PGR: variants seen among roughly 807,000 people sequenced by gnomAD.
PGR encodes progesterone receptor.
In PGR, 25 loss-of-function variants were observed where a neutral mutation model predicts 76.1. The ratio of observed to expected loss-of-function variants is 0.33; its 90% confidence interval spans 0.24 to 0.46. The LOEUF (loss-of-function observed/expected upper bound fraction) is 0.46. Ranked by LOEUF, PGR falls within the 20% of genes least tolerant of loss-of-function variation. The pLI, the probability that PGR is intolerant of heterozygous loss-of-function variation, is 1.00. For missense variants in PGR, 1,172 were observed against 1,225.3 expected, an observed-to-expected ratio of 0.96 and a Z score of 0.65; for synonymous variants, 579 against 535.0, an observed-to-expected ratio of 1.08 and a Z score of -1.14.
chr11:101,082,263 G>A (rs1309818224), intron 3 of PGR, among the ~76,000 whole-genome samples: 1 of 152,178 alleles, frequency 6.6e-6, no homozygotes, highest in Non-Finnish European at 1.5e-5. Flanking sequence ...GTCAGTTAAA[G>A]TTCTTTTCTT....
intron 3 of PGR, among the ~76,000 whole-genome samples, chr11:101,085,750 A>T (rs1861478430): frequency 6.6e-6 from 1 of 152,082 alleles, no homozygotes; most frequent in Admixed American, 6.5e-5. Flanking sequence ...CACAAACAGA[A>T]ATGACAAAGG....
In PGR at chr11:101,034,062, T is replaced by C. The variant is rs1859433771; in HGVS notation, c.*5054A>G. ...AATAATCTGTGCATTTTCTTTACCG[T>C]AATGGACAGAGTATGCTTTCTTAGC... On this transcript the variant is annotated 3_prime_UTR_variant, in exon 8 of 8. Transcript: ENST00000325455. 4.3e-6 allele frequency: 1 copy of C among 231,490 alleles called. No homozygotes were observed. The highest frequency in any genetic ancestry group is 8.6e-6 in the Non-Finnish European group (1 of 116,948). 14.3% of individuals were successfully genotyped at this position (231,490 alleles called of 1,614,324 possible). A position where few individuals can be genotyped will look rare whatever the true frequency, so the allele number is the denominator to read the frequency against.
At chr11:101,055,339 C>G (rs1019694984) in intron 4 of PGR, among the ~76,000 whole-genome samples, 1 of 138,468 alleles carries the variant, frequency 7.2e-6, no homozygotes, top group Non-Finnish European at 1.5e-5. Context: ...TGGTTTGAAC[C>G]CAGGAGGCTG....
chr11:101,059,261 C>T (rs1565337111), intron 4 of PGR, among the ~76,000 whole-genome samples: 1 of 151,956 alleles, frequency 6.6e-6, no homozygotes, highest in Non-Finnish European at 1.5e-5. Context: ...CTTCTGTCCC[C>T]ACTTTCATTA....
intron 3 of PGR, among the ~76,000 whole-genome samples, chr11:101,082,941 T>C (rs1861358754): frequency 6.6e-6 from 1 of 152,150 alleles, no homozygotes; most frequent in African/African-American, 2.4e-5. Flanking sequence ...GAGTCAAATG[T>C]TAACAGTCAA....
intron 4 of PGR, among the ~76,000 whole-genome samples, chr11:101,059,987 C>T (rs1466161137): frequency 1.3e-5 from 2 of 151,594 alleles, no homozygotes; most frequent in East Asian, 1.9e-4. Context: ...AAAGCCCTAC[C>T]AGGCAATAAG....
At chr11:101,111,107 G>T (rs142816493) in intron 2 of PGR, among the ~76,000 whole-genome samples, 1 of 152,240 alleles carries the variant, frequency 6.6e-6, no homozygotes, top group East Asian at 1.9e-4. Context: ...TTGCTTTATT[G>T]TAGTTGTCTA....
At chr11:101,097,583 T>G (rs1318847986) in intron 2 of PGR, among the ~76,000 whole-genome samples, 1 of 152,186 alleles carries the variant, frequency 6.6e-6, no homozygotes, top group Admixed American at 6.5e-5. Context: ...TATTTGTAAA[T>G]ATAGTTATAC....
chr11:101,122,132 G>A (rs1269046960), intron 2 of PGR, among the ~76,000 whole-genome samples: 2 of 113,026 alleles, frequency 1.8e-5, no homozygotes, highest in South Asian at 2.8e-4. Flanking sequence ...TCCAGCATGG[G>A]CAACAGCGAG....
At chr11:101,077,599 G>A (rs1813812640) in intron 3 of PGR, among the ~76,000 whole-genome samples, 1 of 152,086 alleles carries the variant, frequency 6.6e-6, no homozygotes, top group Non-Finnish European at 1.5e-5. Flanking sequence ...AATGCTTGTA[G>A]ATACTACTGA....
intron 2 of PGR, among the ~76,000 whole-genome samples, chr11:101,116,739 C>CAAAAAAAAAAAA (rs11300466): frequency 2.9e-5 from 2 of 68,968 alleles, no homozygotes; most frequent in Non-Finnish European, 5.3e-5. Flanking sequence ...GATTCCACCT[C>CAAAAAAAAAAAA]AAAAAAAAAA....
In PGR at chr11:101,128,807, G is replaced by A. The variant is rs1862991704; in HGVS notation, c.264C>T (p.Ser88=). The A allele has an allele frequency of 6.2e-7, 1 of 1,614,052 alleles. No individual in the cohort carries two copies. Among genetic ancestry groups the A allele is most frequent in the African/African-American group, 1.3e-5 (1 of 74,946 alleles). Residue 88 remains serine (S), a synonymous_variant, in exon 1 of 8, where the codon TCC becomes TCT. Transcript: ENST00000325455. ...QSLSDVEGAY[S]RAEATRGAGG... is the part of the protein sequence containing the mutation. ...CAGCACCCCTTGTAGCTTCAGCTCT[G>A]GAATATGCGCCCTCCACGTCCGACA...
At chr11:101,102,320 C>T (rs1862020124) in intron 2 of PGR, among the ~76,000 whole-genome samples, 1 of 152,152 alleles carries the variant, frequency 6.6e-6, no homozygotes, top group Non-Finnish European at 1.5e-5. Context: ...GGAAGATGTT[C>T]TTGTCCTTAG....
chr11:101,053,606 CCCTCCTTTCTTCCCTCCCCTTCTT>C (rs879315869), intron 4 of PGR, among the ~76,000 whole-genome samples: 9,464 of 102,350 alleles, frequency 0.092, 886 homozygotes, highest in Non-Finnish European at 0.12. Flanking sequence ...CTCCCCTTCT[CCCTCCTTTCTTCCCTCCCCTTCTT>C]CCTCCTTTCT....
At chr11:101,088,936 A>T (rs1861586429) in intron 3 of PGR, among the ~76,000 whole-genome samples, 1 of 152,226 alleles carries the variant, frequency 6.6e-6, no homozygotes, top group Non-Finnish European at 1.5e-5. Context: ...ACAGGAACAA[A>T]AAACCAAATA....
At chr11:101,050,513 A>G (rs1860049397) in intron 5 of PGR, among the ~76,000 whole-genome samples, 1 of 152,120 alleles carries the variant, frequency 6.6e-6, no homozygotes, top group Admixed American at 6.6e-5. Flanking sequence ...CCATATTTTA[A>G]ACTTTTCTAG....
At chr11:101,061,303 G>T (rs1860489754) in intron 4 of PGR, among the ~76,000 whole-genome samples, 1 of 152,028 alleles carries the variant, frequency 6.6e-6, no homozygotes, top group South Asian at 2.1e-4. Context: ...AAGAATCTGG[G>T]CATTTTGATT....
intron 2 of PGR, among the ~76,000 whole-genome samples, chr11:101,109,272 T>A (rs1862271640): frequency 6.6e-6 from 1 of 152,132 alleles, no homozygotes; most frequent in Non-Finnish European, 1.5e-5. Flanking sequence ...GCTAGAAAGA[T>A]TAAGCTTCGT....
At chr11:101,045,245 C>T (rs1004359692) in intron 6 of PGR, among the ~76,000 whole-genome samples, 1 of 152,070 alleles carries the variant, frequency 6.6e-6, no homozygotes, top group African/African-American at 2.4e-5. Flanking sequence ...TATATCTATG[C>T]AAATTTTTGT....
Sources: allele counts gnomAD v4.1 joint callset (sites outside exome capture counted in the v4.1 genomes callset), GRCh38; gene constraint gnomAD v4.1.1; transcripts MANE v1.5; gene names NCBI Gene and HGNC (gene_info 2026-07-23, HGNC 2026-07-21).